Variants in CNTN6 observed in about 807,000 individuals in gnomAD.
CNTN6 encodes contactin 6.
In CNTN6, 137 loss-of-function variants were observed where a neutral mutation model predicts 122.8. That is an observed-to-expected ratio of 1.12 (90% CI 0.97 to 1.29). The LOEUF (loss-of-function observed/expected upper bound fraction) is 1.29. Ranked by LOEUF, CNTN6 falls within the 50% of genes most tolerant of loss-of-function variation. The probability of loss-of-function intolerance (pLI) is 0.00; values close to 1 mark genes in which losing one functional copy is unlikely to be tolerated. For missense variants in CNTN6, 1,634 were observed against 1,223.4 expected (o/e 1.34, Z -5.01); for synonymous variants, 570 against 426.0 (o/e 1.34, Z -4.16).
chr3:1,308,803 G>A (rs893828199), intron 7 of CNTN6, among the ~76,000 whole-genome samples: 8 of 151,844 alleles, frequency 5.3e-5, no homozygotes, highest in African/African-American at 1.7e-4. Context: ...GTGTGTTTTT[G>A]TTTTGTTTTG....
At chr3:1,120,171 C>G (rs1244681177) in intron 1 of CNTN6, among the ~76,000 whole-genome samples, 1 of 151,714 alleles carries the variant, frequency 6.6e-6, no homozygotes, top group Non-Finnish European at 1.5e-5. Flanking sequence ...AATCAAATTC[C>G]TATTAACATT....
At chr3:1,270,379 T>C (rs1321971501) in intron 4 of CNTN6, among the ~76,000 whole-genome samples, 1 of 152,214 alleles carries the variant, frequency 6.6e-6, no homozygotes, top group Non-Finnish European at 1.5e-5. Context: ...TGTTTTGAGA[T>C]TCTTAAGAGT....
intron 4 of CNTN6, among the ~76,000 whole-genome samples, chr3:1,259,869 A>G (rs1020380045): frequency 1.3e-5 from 2 of 151,908 alleles, no homozygotes; most frequent in African/African-American, 2.4e-5. Flanking sequence ...ATACACACAC[A>G]TACATACAAA....
chr3:1,103,028 C>G (rs1265298902), intron 1 of CNTN6, among the ~76,000 whole-genome samples: 5 of 151,564 alleles, frequency 3.3e-5, no homozygotes, highest in Non-Finnish European at 7.4e-5. Context: ...ATGGCGGGAA[C>G]CCGGGAGGCG....
intron 1 of CNTN6, among the ~76,000 whole-genome samples, chr3:1,125,187 C>G (rs2092114927): frequency 1.3e-5 from 2 of 151,892 alleles, no homozygotes; most frequent in African/African-American, 4.8e-5. Flanking sequence ...TTTTAGTTAT[C>G]TAAATCTTTA....
intron 4 of CNTN6, among the ~76,000 whole-genome samples, chr3:1,268,543 C>G (rs964697584): frequency 2.1e-5 from 3 of 143,176 alleles, no homozygotes; most frequent in Non-Finnish European, 3.0e-5. Flanking sequence ...GGAGGAGGAG[C>G]TTGCAGTGAG....
At chr3:1,294,448 G>A (rs1320628314) in intron 5 of CNTN6, among the ~76,000 whole-genome samples, 1 of 152,072 alleles carries the variant, frequency 6.6e-6, no homozygotes, top group Non-Finnish European at 1.5e-5. Context: ...AAAAAAACAG[G>A]GGAGGATTTC....
At position 1,300,557 on chromosome 3, in the gene CNTN6, AAAAGAAAGAAAGAAAGAAAGAAAGAAAG is replaced by A. The variant is rs202226482; in HGVS notation, c.761+2588_761+2615del. The stretch of plus-strand genomic sequence containing the variant: ...AAAGAGAGAGAAAGAAAGAGAAAGA[AAAAGAAAGAAAGAAAGAAAGAAAGAAAG>A]AAAGAAAGAAAGAAAGAAAGAGAGA... On this transcript the variant is annotated intron_variant, in intron 7 of 22. Transcript: ENST00000446702. 5.3e-3 allele frequency among the ~76,000 whole-genome samples: 565 copies of A among 107,266 alleles called. 4 individuals are homozygous for A. The highest frequency in any genetic ancestry group is 0.016 in the African/African-American group (521 of 32,908). The allele number at this position is 107,266 out of a possible 152,430, so 70.4% of individuals were successfully genotyped here. A position where few individuals can be genotyped will look rare whatever the true frequency, so the allele number is the denominator to read the frequency against.
intron 2 of CNTN6, among the ~76,000 whole-genome samples, chr3:1,156,741 T>C (rs1397220927): frequency 6.6e-6 from 1 of 151,374 alleles, no homozygotes; most frequent in Non-Finnish European, 1.5e-5. Context: ...TTTTTTCCAG[T>C]CTCGCTCTGT....
chr3:1,147,591 AC>A (rs3836250), intron 1 of CNTN6, among the ~76,000 whole-genome samples: 63,953 of 151,762 alleles, frequency 0.42, 13,766 homozygotes, highest in South Asian at 0.61. Context: ...TTATGATGCA[AC>A]CCCCTTAGGA....
At chr3:1,289,769 G>C (rs552900549) in intron 5 of CNTN6, among the ~76,000 whole-genome samples, 1 of 151,282 alleles carries the variant, frequency 6.6e-6, no homozygotes, top group Non-Finnish European at 1.5e-5. Flanking sequence ...CCAACTCCCG[G>C]GTTCCCGCCA....
chr3:1,244,648 G>A (rs146831328), intron 4 of CNTN6, among the ~76,000 whole-genome samples: 6,600 of 147,558 alleles, frequency 0.045, 314 homozygotes, highest in East Asian at 0.12. Context: ...TGAAGAGACC[G>A]CCAAACAGGC....
rs566178323 is a variant in CNTN6 at position 1,388,544 on chromosome 3, C to G, written c.2704+2747C>G. 1.5e-3 allele frequency among the ~76,000 whole-genome samples: 226 copies of G among 151,132 alleles called. 4 individuals carry two copies. Among genetic ancestry groups the G allele is most frequent in the Non-Finnish European group, 7.2e-4 (49 of 67,840 alleles). On this transcript the variant is annotated intron_variant, in intron 20 of 22. Transcript: ENST00000446702. ...AGGGAACGCAGTTCCTCACCAGCAACGGAACAAAGCTGGACGGAGAATGAC... is the reference window on the plus strand; with the variant it reads ...AGGGAACGCAGTTCCTCACCAGCAAGGGAACAAAGCTGGACGGAGAATGAC...
At chr3:1,354,368 CA>C (rs71056334) in intron 12 of CNTN6, among the ~76,000 whole-genome samples, 50,647 of 121,530 alleles carry the variant, frequency 0.42, 9,226 homozygotes, top group Middle Eastern at 0.48. Context: ...GCTCAGTTAA[CA>C]AAAAAAAAAA....
In CNTN6 at chr3:1,295,831, G is replaced by A. The variant is rs373920; in HGVS notation, c.658+27G>A. The A allele has an allele frequency of 4.1e-3, 6,515 of 1,591,562 alleles. 221 individuals carry two copies. The African/African-American group carries it at 0.075, about 18-fold the overall frequency. ...TAAGATAATGAGTTATCTTGGGAATGTACTTTATCTTTGGCCCTTAAAGCC... is the reference window on the plus strand; with the variant it reads ...TAAGATAATGAGTTATCTTGGGAATATACTTTATCTTTGGCCCTTAAAGCC... On this transcript the variant is annotated intron_variant, in intron 6 of 22. Coordinates refer to ENST00000446702, the MANE Select transcript of CNTN6 (RefSeq NM_001289080.2).
intron 4 of CNTN6, among the ~76,000 whole-genome samples, chr3:1,252,025 G>A (rs779302557): frequency 3.3e-5 from 5 of 152,176 alleles, no homozygotes; most frequent in East Asian, 1.9e-4. Flanking sequence ...CCAATGAAAC[G>A]TTAAAACACA....
intron 2 of CNTN6, among the ~76,000 whole-genome samples, chr3:1,149,026 A>G (rs892850077): frequency 1.3e-5 from 2 of 152,210 alleles, no homozygotes; most frequent in Admixed American, 6.5e-5. Flanking sequence ...TTTGACAATT[A>G]TAAGTCACAA....
chr3:1,389,355 C>A (rs1231614211), intron 20 of CNTN6, among the ~76,000 whole-genome samples: 1 of 151,932 alleles, frequency 6.6e-6, no homozygotes, highest in Non-Finnish European at 1.5e-5. Context: ...TACAGACAAG[C>A]AAATGCTGAG....
intron 4 of CNTN6, among the ~76,000 whole-genome samples, chr3:1,234,903 C>A (rs1005983705): frequency 1.3e-5 from 2 of 152,116 alleles, no homozygotes; most frequent in African/African-American, 4.8e-5. Context: ...AAAACTTTGT[C>A]TTTGCTTTTA....
Sources: allele counts gnomAD v4.1 joint callset (sites outside exome capture counted in the v4.1 genomes callset), GRCh38; gene constraint gnomAD v4.1.1; transcripts MANE v1.5; gene names NCBI Gene and HGNC (gene_info 2026-07-23, HGNC 2026-07-21).